Variants in NYAP2 observed in about 807,000 individuals in gnomAD.
NYAP2 encodes neuronal tyrosine-phosphorylated phosphoinositide-3-kinase adaptor 2.
A neutral mutation model predicts 50.4 loss-of-function variants in NYAP2; 23 were observed. That is an observed-to-expected ratio of 0.46 (90% CI 0.33 to 0.65). The LOEUF is 0.65. Among genes scored for constraint, NYAP2 ranks in the 30% least tolerant of loss-of-function variants. The pLI is 0.02. For missense variants in NYAP2, 885 were observed against 861.0 expected (o/e 1.03, Z -0.35); for synonymous variants, 394 against 365.2 (o/e 1.08, Z -0.90).
At chr2:225,512,835 C>CTTTCTTTCTT (rs1420137730) in intron 3 of NYAP2, among the ~76,000 whole-genome samples, 11 of 58,818 alleles carry the variant, frequency 1.9e-4, no homozygotes, top group East Asian at 1.7e-3. Context: ...CTCTCTCTCT[C>CTTTCTTTCTT]TCTTTCTTTC....
chr2:225,645,239 A>G (rs1175205832), intron 6 of NYAP2, among the ~76,000 whole-genome samples: 17 of 92,766 alleles, frequency 1.8e-4, no homozygotes, highest in African/African-American at 5.6e-4. Flanking sequence ...GCCTGGGCAG[A>G]AAAAAAAAAA....
At chr2:225,401,078 C>A (rs1206794030) in intron 2 of NYAP2, 35 bp downstream of exon 2, 4 of 152,508 alleles carry the variant, frequency 2.6e-5, no homozygotes, top group Non-Finnish European at 5.9e-5. Flanking sequence ...TCTAAGCATG[C>A]TAATCGAATC....
intron 5 of NYAP2, among the ~76,000 whole-genome samples, chr2:225,617,529 A>AAATG (rs1693010068): frequency 6.6e-6 from 1 of 152,272 alleles, no homozygotes; most frequent in African/African-American, 2.4e-5. Context: ...AGAAGCAATT[A>AAATG]AATGAATGAC....
chr2:225,690,267 TA>T, the NYAP2 span, among the ~76,000 whole-genome samples: 39 of 152,246 alleles, frequency 2.6e-4, no homozygotes, highest in East Asian at 7.5e-3. Context: ...ATATGCTCAT[TA>T]AAAATATTTT....
chr2:225,565,501 C>T (rs1201661820), intron 4 of NYAP2, among the ~76,000 whole-genome samples: 1 of 152,114 alleles, frequency 6.6e-6, no homozygotes, highest in African/African-American at 2.4e-5. Context: ...TTTACAATTT[C>T]CCAGAGCTGG....
chr2:225,411,154 T>C (rs1409891323), intron 3 of NYAP2, among the ~76,000 whole-genome samples: 24 of 152,112 alleles, frequency 1.6e-4, no homozygotes, highest in Admixed American at 1.6e-3. Flanking sequence ...GTGTCCTAAC[T>C]GTTGAGAGAT....
the NYAP2 span, among the ~76,000 whole-genome samples, chr2:225,664,791 GC>G: frequency 6.6e-6 from 1 of 152,094 alleles, no homozygotes; most frequent in Non-Finnish European, 1.5e-5. Context: ...CAGGAGAATG[GC>G]GTGAACCTGG....
At chr2:225,634,589 G>A (rs2106262117) in intron 6 of NYAP2, among the ~76,000 whole-genome samples, 1 of 152,264 alleles carries the variant, frequency 6.6e-6, no homozygotes, top group African/African-American at 2.4e-5. Context: ...TACACACTGT[G>A]CTTGTAAATT....
intron 5 of NYAP2, among the ~76,000 whole-genome samples, chr2:225,590,566 TG>T (rs1692481661): frequency 1.3e-5 from 2 of 152,200 alleles, no homozygotes. Flanking sequence ...AACAATAACT[TG>T]GGGACATATG....
intron 4 of NYAP2, among the ~76,000 whole-genome samples, chr2:225,537,095 C>T (rs1365985120): frequency 6.6e-6 from 1 of 151,976 alleles, no homozygotes; most frequent in Non-Finnish European, 1.5e-5. Flanking sequence ...TTCTTTCTAA[C>T]TGTATTTTTG....
intron 4 of NYAP2, among the ~76,000 whole-genome samples, chr2:225,518,713 AT>A (rs1690988035): frequency 6.7e-6 from 1 of 149,332 alleles, no homozygotes; most frequent in African/African-American, 2.5e-5. Flanking sequence ...AATATACACA[AT>A]TTTTGCCAAT....
At chr2:225,442,145 A>C (rs1689479975) in intron 3 of NYAP2, among the ~76,000 whole-genome samples, 1 of 152,224 alleles carries the variant, frequency 6.6e-6, no homozygotes. Flanking sequence ...GCAGGTCTTG[A>C]CTTCAGACTG....
chr2:225,477,029 G>C (rs1690125200), intron 3 of NYAP2, among the ~76,000 whole-genome samples: 1 of 151,876 alleles, frequency 6.6e-6, no homozygotes, highest in East Asian at 1.9e-4. Context: ...GAAGGAAAGG[G>C]AATATGAAAA....
chr2:225,495,006 C>G (rs1044961227), intron 3 of NYAP2, among the ~76,000 whole-genome samples: 3 of 152,134 alleles, frequency 2.0e-5, no homozygotes, highest in Non-Finnish European at 4.4e-5. Context: ...TATTCAAACA[C>G]TTTTATTTGC....
chr2:225,453,581 T>C (rs554993155), intron 3 of NYAP2, among the ~76,000 whole-genome samples: 1 of 152,320 alleles, frequency 6.6e-6, no homozygotes, highest in East Asian at 1.9e-4. Flanking sequence ...ATTACTGTTT[T>C]AAAATTTCTG....
At chr2:225,692,672 G>A in the NYAP2 span, among the ~76,000 whole-genome samples, 2 of 151,820 alleles carry the variant, frequency 1.3e-5, no homozygotes, top group African/African-American at 4.8e-5. Flanking sequence ...TATGAATTAT[G>A]TACCAATATT....
the NYAP2 span, among the ~76,000 whole-genome samples, chr2:225,678,129 C>T: frequency 6.6e-6 from 1 of 151,934 alleles, no homozygotes. Flanking sequence ...TCACTTTCTT[C>T]CTGATTGAAT....
chr2:225,636,495 T>C (rs1693418585), intron 6 of NYAP2, among the ~76,000 whole-genome samples: 1 of 151,228 alleles, frequency 6.6e-6, no homozygotes, highest in African/African-American at 2.5e-5. Context: ...TTTTTTTTTT[T>C]TAATTTCATT....
intron 4 of NYAP2, among the ~76,000 whole-genome samples, chr2:225,544,592 AT>A (rs1244209946): frequency 1.3e-5 from 2 of 152,008 alleles, no homozygotes; most frequent in Non-Finnish European, 2.9e-5. Context: ...TTCGTCTCCT[AT>A]TTTTTAACAT....
Sources: allele counts gnomAD v4.1 joint callset (sites outside exome capture counted in the v4.1 genomes callset), GRCh38; gene constraint gnomAD v4.1.1; transcripts MANE v1.5; gene names NCBI Gene and HGNC (gene_info 2026-07-23, HGNC 2026-07-21).